The following DPP4 variants were observed in gnomAD, a reference collection of about 807,000 sequenced individuals.
The protein encoded by DPP4 is ADCP-2.
DPP4 carries 93 observed loss-of-function variants against 122.4 expected under a neutral mutation model. The ratio of observed to expected loss-of-function variants is 0.76; its 90% confidence interval spans 0.64 to 0.90. The LOEUF is 0.90. Among genes scored for constraint, DPP4 ranks in the 40% least tolerant of loss-of-function variants. DPP4 has a pLI of 0.00. For synonymous variants in DPP4, 321 were observed against 302.9 expected, an observed-to-expected ratio of 1.06 and a Z score of -0.62; for missense variants, 914 against 907.3, an observed-to-expected ratio of 1.01 and a Z score of -0.09.
At chr2:162,034,096 C>G (rs185627579) in intron 9 of DPP4, among the ~76,000 whole-genome samples, 238 of 152,046 alleles carry the variant, frequency 1.6e-3, no homozygotes, top group African/African-American at 5.2e-3. Context: ...GCCAAAGACA[C>G]CATCCACCAG....
At chr2:162,042,166 C>T (rs1684009488) in intron 5 of DPP4, among the ~76,000 whole-genome samples, 1 of 152,202 alleles carries the variant, frequency 6.6e-6, no homozygotes, top group South Asian at 2.1e-4. Context: ...CACTGTGTAA[C>T]ATGAAGCAAG....
chr2:162,026,200 G>A (rs1683326201), intron 10 of DPP4, among the ~76,000 whole-genome samples: 3 of 152,098 alleles, frequency 2.0e-5, no homozygotes, highest in African/African-American at 7.2e-5. Context: ...GATGGATTAG[G>A]TGCTGGATAA....
intron 2 of DPP4, among the ~76,000 whole-genome samples, chr2:162,055,276 G>C (rs1367610738): frequency 6.6e-6 from 1 of 152,212 alleles, no homozygotes; most frequent in Admixed American, 6.5e-5. Context: ...GCAGTTTTCA[G>C]TATGAAGGGA....
intron 2 of DPP4, among the ~76,000 whole-genome samples, chr2:162,069,569 C>T: frequency 6.6e-6 from 1 of 152,110 alleles, no homozygotes; most frequent in East Asian, 1.9e-4. Flanking sequence ...AAATAACTGG[C>T]CTGAAAAAGA....
At chr2:162,051,015 GT>G (rs1453190781) in intron 2 of DPP4, among the ~76,000 whole-genome samples, 6 of 152,142 alleles carry the variant, frequency 3.9e-5, no homozygotes, top group Admixed American at 3.9e-4. Flanking sequence ...TTAATCATAT[GT>G]TACCCATCAG....
chr2:162,068,702 G>T (rs1188194984), intron 2 of DPP4, among the ~76,000 whole-genome samples: 4 of 152,144 alleles, frequency 2.6e-5, no homozygotes, highest in African/African-American at 9.7e-5. Flanking sequence ...TTTAGTGCAA[G>T]TAAGTAAATC....
rs1243584223 is a variant in DPP4 at position 162,074,173 on chromosome 2, A to T, written c.-192T>A. On this transcript the variant is annotated 5_prime_UTR_variant, in exon 1 of 26. Transcript: ENST00000360534. Reference sequence around the variant, plus strand: ...TATAAAGGCGCCGCGGGCAGGCTGCAGGGCAGGCGGCGCGGGAGCAGGCGC... The same window carrying T: ...TATAAAGGCGCCGCGGGCAGGCTGCTGGGCAGGCGGCGCGGGAGCAGGCGC... The T allele has an allele frequency of 1.6e-6, 2 of 1,267,056 alleles. No individual in the cohort carries two copies. The highest frequency in any genetic ancestry group is 2.0e-6 in the Non-Finnish European group (2 of 1,008,310). The allele number at this position is 1,267,056 out of a possible 1,614,324, so 78.5% of individuals were successfully genotyped here. A position where few individuals can be genotyped will look rare whatever the true frequency, so the allele number is the denominator to read the frequency against.
intron 16 of DPP4, 71 bp downstream of exon 16, chr2:162,018,658 G>A: frequency 6.5e-7 from 1 of 1,546,910 alleles, no homozygotes; most frequent in Non-Finnish European, 8.7e-7. Flanking sequence ...AGATTCAAAA[G>A]GAATAGAGGG....
chr2:161,995,096 G>T, intron 24 of DPP4, 62 bp from the exon 25 acceptor site: 2 of 1,558,340 alleles, frequency 1.3e-6, no homozygotes, highest in Non-Finnish European at 1.8e-6. Context: ...TGGTACCAAG[G>T]GGTGGGAAAG....
intron 8 of DPP4, among the ~76,000 whole-genome samples, chr2:162,035,703 C>A (rs1292060017): frequency 6.6e-6 from 1 of 152,132 alleles, no homozygotes; most frequent in African/African-American, 2.4e-5. Context: ...TGCCAGCATA[C>A]TCTCCCCAAC....
chr2:162,041,724 T>C (rs1683994195), intron 5 of DPP4, among the ~76,000 whole-genome samples: 1 of 152,290 alleles, frequency 6.6e-6, no homozygotes, highest in South Asian at 2.1e-4. Context: ...CAAACCACCA[T>C]GGGTTGTAAA....
chr2:162,011,367 G>A (rs935102671), intron 20 of DPP4, among the ~76,000 whole-genome samples: 68 of 152,260 alleles, frequency 4.5e-4, no homozygotes, highest in African/African-American at 1.4e-3. Context: ...CTTCAGAGTT[G>A]TCACTGCCTA....
chr2:162,061,450 A>G (rs1259138902), intron 2 of DPP4, among the ~76,000 whole-genome samples: 1 of 152,078 alleles, frequency 6.6e-6, no homozygotes, highest in Non-Finnish European at 1.5e-5. Context: ...TAAAATGTTT[A>G]TTTTCTGTAC....
intron 23 of DPP4, among the ~76,000 whole-genome samples, chr2:161,996,279 G>A (rs1237450427): frequency 6.6e-6 from 1 of 152,190 alleles, no homozygotes; most frequent in Non-Finnish European, 1.5e-5. Context: ...TTTGGGAGGG[G>A]GTGAGCTAGA....
At chr2:161,998,238 C>T (rs1701054634) in intron 23 of DPP4, among the ~76,000 whole-genome samples, 1 of 152,184 alleles carries the variant, frequency 6.6e-6, no homozygotes. Context: ...CAGTTTTGCG[C>T]AGCATTCAAA....
chr2:162,029,134 G>A (rs974062563), intron 10 of DPP4, among the ~76,000 whole-genome samples: 3 of 152,204 alleles, frequency 2.0e-5, no homozygotes, highest in African/African-American at 4.8e-5. Flanking sequence ...TCACACAACA[G>A]AGAATCCCCT....
chr2:162,038,966 G>A lies in DPP4; in HGVS notation c.475C>T (p.Pro159Ser), dbSNP rs1303254902. Residue 159 changes from proline to serine, a missense_variant, in exon 7 of 26, where the codon CCA (proline) becomes TCA (serine). Physicochemically the swap from Pro to Ser is moderately conservative, Grantham distance 74 (BLOSUM62 -1). Transcript: ENST00000360534. ...PNNTQWVTWS[P>S]VGHKLAYVWN... is the part of the protein sequence containing the mutation. Reference sequence around the variant, plus strand: ...TCACTAACCAATTTATGACCCACTGGTGACCATGTGACCCACTGTGTGTTG... The same window carrying A: ...TCACTAACCAATTTATGACCCACTGATGACCATGTGACCCACTGTGTGTTG... 4 of 1,613,242 alleles carry A rather than the reference G, an allele frequency of 2.5e-6. No homozygotes were observed. In the African/African-American group the frequency reaches 4.0e-5, roughly 16 times the overall value.
intron 2 of DPP4, among the ~76,000 whole-genome samples, chr2:162,061,202 C>T (rs767411455): frequency 5.3e-5 from 8 of 152,128 alleles, no homozygotes; most frequent in Non-Finnish European, 1.0e-4. Context: ...CCACTGTGCC[C>T]AGCTGCATCT....
In DPP4 at chr2:162,033,639, A is replaced by G; in HGVS notation, c.789T>C (p.Asn263=). ...TTACAACAAAGAACTTTACAGTTGG[A>G]TTCACAGCTCCTGCCTAGGAAAAAA... ...RVPYPKAGAV[N]PTVKFFVVNT... is the part of the protein sequence containing the mutation. The change falls in exon 10 of 26, where the codon AAT becomes AAC. Residue 263 remains asparagine, a synonymous_variant. Transcript: ENST00000360534. 3 of 1,609,610 alleles carry G rather than the reference A, an allele frequency of 1.9e-6. No individual in the cohort carries two copies. Among genetic ancestry groups the G allele is most frequent in the Non-Finnish European group, 2.5e-6 (3 of 1,178,070 alleles).
Sources: gnomAD v4.1 joint callset for allele counts (sites outside exome capture counted in the v4.1 genomes callset) on GRCh38, gnomAD v4.1.1 for gene constraint, MANE v1.5 for transcripts, NCBI Gene and HGNC (gene_info 2026-07-23, HGNC 2026-07-21) for gene names.